The following RFX4 variants were observed in gnomAD, a reference collection of about 807,000 sequenced individuals.
RFX4 encodes the protein transcription factor RFX4.
A neutral mutation model predicts 95.0 loss-of-function variants in RFX4; 10 were observed. That is an observed-to-expected ratio of 0.11 (90% CI 0.06 to 0.18). The LOEUF (loss-of-function observed/expected upper bound fraction) is 0.18. Ranked by LOEUF, RFX4 falls within the 10% of genes least tolerant of loss-of-function variation. RFX4 has a pLI of 1.00. For synonymous variants in RFX4, 321 were observed against 340.7 expected (o/e 0.94, Z 0.64); for missense variants, 640 against 922.0 (o/e 0.69, Z 3.96).
chr12:106,600,059 A>G (rs2039678114), intron 1 of RFX4, among the ~76,000 whole-genome samples: 1 of 151,804 alleles, frequency 6.6e-6, no homozygotes, highest in Non-Finnish European at 1.5e-5. Flanking sequence ...TACAATCTAG[A>G]CTCCTTAACC....
intron 8 of RFX4, among the ~76,000 whole-genome samples, chr12:106,702,295 T>C (rs2042007069): frequency 6.6e-6 from 1 of 152,176 alleles, no homozygotes; most frequent in South Asian, 2.1e-4. Flanking sequence ...AAATAATACT[T>C]ATGCCTGGAA....
At chr12:106,598,902 T>G (rs2039658957) in intron 1 of RFX4, among the ~76,000 whole-genome samples, 1 of 152,158 alleles carries the variant, frequency 6.6e-6, no homozygotes, top group Admixed American at 6.5e-5. Flanking sequence ...TCTGCTAACA[T>G]TAAGTAGTAG....
chr12:106,684,958 A>G (rs2041610277), intron 5 of RFX4: 4 of 1,606,938 alleles, frequency 2.5e-6, no homozygotes, highest in African/African-American at 2.7e-5. Context: ...TGACGTGCTC[A>G]TCTCTTCCCT....
At chr12:106,691,301 C>T (rs2041776323) in intron 7 of RFX4, among the ~76,000 whole-genome samples, 1 of 152,220 alleles carries the variant, frequency 6.6e-6, no homozygotes, top group Non-Finnish European at 1.5e-5. Flanking sequence ...AATGCTTGTT[C>T]TTTTCAGATG....
rs957999660 is a variant in RFX4 at position 106,675,297 on chromosome 12, G to A, written c.316-6696G>A. 5.3e-5 allele frequency among the ~76,000 whole-genome samples: 8 copies of A among 152,254 alleles called. No homozygotes were observed. In the South Asian group the frequency reaches 1.7e-3, roughly 32 times the overall value. The stretch of plus-strand genomic sequence containing the variant: ...AGTACAAAAATTAGCTGGGCATGGT[G>A]GTGTATGCCTGTAATCGCAGCTACT... On this transcript the variant is annotated intron_variant, in intron 4 of 17. Transcript: ENST00000392842.
At chr12:106,638,525 A>T (rs970059660) in intron 2 of RFX4, among the ~76,000 whole-genome samples, 3 of 152,148 alleles carry the variant, frequency 2.0e-5, no homozygotes, top group Non-Finnish European at 2.9e-5. Flanking sequence ...GCTCTGCTTC[A>T]TTGGGGTTAC....
At chr12:106,664,854 T>G (rs1470494397) in intron 4 of RFX4, among the ~76,000 whole-genome samples, 1 of 151,856 alleles carries the variant, frequency 6.6e-6, no homozygotes, top group Admixed American at 6.6e-5. Context: ...CTAGTTATCT[T>G]TCTGTTATTG....
intron 4 of RFX4, among the ~76,000 whole-genome samples, chr12:106,677,558 G>A (rs1284164618): frequency 2.0e-5 from 3 of 152,044 alleles, no homozygotes; most frequent in Admixed American, 6.6e-5. Context: ...AGATCCTGCC[G>A]CTGAGGCCGG....
At chr12:106,672,338 A>G (rs1000704400) in intron 4 of RFX4, among the ~76,000 whole-genome samples, 9 of 152,042 alleles carry the variant, frequency 5.9e-5, no homozygotes, top group Admixed American at 2.0e-4. Flanking sequence ...TCCCACCCCT[A>G]TCCCTGCGGA....
intron 2 of RFX4, among the ~76,000 whole-genome samples, chr12:106,626,909 C>T (rs1159413925): frequency 2.0e-5 from 3 of 152,094 alleles, no homozygotes; most frequent in African/African-American, 7.2e-5. Context: ...AGTCCAGAAC[C>T]TTCCAATTCC....
At chr12:106,675,777 C>A (rs535740950) in intron 4 of RFX4, among the ~76,000 whole-genome samples, 1 of 152,176 alleles carries the variant, frequency 6.6e-6, no homozygotes, top group Admixed American at 6.5e-5. Context: ...GGGCTCTGGA[C>A]AATGAGAACA....
chr12:106,636,061 A>G (rs544981661), intron 2 of RFX4, among the ~76,000 whole-genome samples: 1 of 152,324 alleles, frequency 6.6e-6, no homozygotes, highest in East Asian at 1.9e-4. Context: ...TAGGTCCTGC[A>G]GGAGGTAATG....
intron 2 of RFX4, among the ~76,000 whole-genome samples, chr12:106,612,532 G>T (rs181201169): frequency 2.5e-4 from 38 of 152,114 alleles, no homozygotes; most frequent in African/African-American, 8.9e-4. Context: ...AATCTTTGGG[G>T]TTTTCTACAT....
intron 5 of RFX4, chr12:106,682,357 C>A: frequency 2.4e-6 from 1 of 423,480 alleles, no homozygotes; most frequent in Non-Finnish European, 4.3e-6. Context: ...TGCCTTGTGG[C>A]CTCTTGGAGG....
At chr12:106,609,654 A>G (rs1031001671) in intron 2 of RFX4, among the ~76,000 whole-genome samples, 4 of 152,178 alleles carry the variant, frequency 2.6e-5, no homozygotes, top group African/African-American at 9.6e-5. Context: ...TGGCATTGTC[A>G]TTCTATCATC....
rs138016534 is a variant in RFX4 at position 106,676,700 on chromosome 12, C to G, written c.316-5293C>G. The stretch of plus-strand genomic sequence containing the variant: ...TCCCTAGCCTATTGGGTGCAGGGCC[C>G]TCAGATCCTGTTCATAGCAGAGGCC... On this transcript the variant is annotated intron_variant, in intron 4 of 17. Transcript: ENST00000392842. 8.7e-4 allele frequency among the ~76,000 whole-genome samples: 133 copies of G among 152,278 alleles called. 1 individual carries two copies. The highest frequency in any genetic ancestry group is 1.5e-3 in the Non-Finnish European group (104 of 68,014).
At chr12:106,723,132 T>C (rs1044461528) in intron 13 of RFX4, among the ~76,000 whole-genome samples, 3 of 152,220 alleles carry the variant, frequency 2.0e-5, no homozygotes, top group African/African-American at 7.2e-5. Context: ...GGTAGTTGAC[T>C]CCTTTCTTCT....
At chr12:106,705,545 T>C (rs1592961842) in intron 8 of RFX4, among the ~76,000 whole-genome samples, 1 of 152,098 alleles carries the variant, frequency 6.6e-6, no homozygotes, top group East Asian at 1.9e-4. Context: ...CAGTTGGGGC[T>C]TAGGGAGGCA....
rs1340573065 is a variant in RFX4, at chr12:106,586,310, C to T, written c.43+2947C>T. Among the ~76,000 whole-genome samples, 1 of 152,106 alleles carries T rather than the reference C, an allele frequency of 6.6e-6. No homozygotes were observed. Among genetic ancestry groups the T allele is most frequent in the African/African-American group, 2.4e-5 (1 of 41,450 alleles). ...AAAGTGGGTGCTGAGCCCCGCGTGG[C>T]CTGCGCTCCCCACGCGGGCCACCGG... On this transcript the variant is annotated intron_variant, in intron 1 of 17. Coordinates refer to ENST00000392842, the MANE Select transcript of RFX4 (RefSeq NM_213594.3). The surrounding 1 kb of genome is among the most constrained non-coding windows in gnomAD (Gnocchi z 5.6).
Sources: gnomAD v4.1 joint callset for allele counts (sites outside exome capture counted in the v4.1 genomes callset) on GRCh38, gnomAD v4.1.1 for gene constraint, Gnocchi (gnomAD v3.1) non-coding constraint, MANE v1.5 for transcripts, NCBI Gene and HGNC (gene_info 2026-07-23, HGNC 2026-07-21) for gene names.